ROBO2: variants seen among roughly 807,000 people sequenced by gnomAD.
The protein encoded by ROBO2 is roundabout guidance receptor 2.
ROBO2 carries 53 observed loss-of-function variants against 160.8 expected under a neutral mutation model. That is an observed-to-expected ratio of 0.33 (90% CI 0.26 to 0.41). The LOEUF (loss-of-function observed/expected upper bound fraction) is 0.41, where lower values mean the gene tolerates loss of function less well. ROBO2 is among the 10% of genes least tolerant of loss of function. The pLI is 1.00. For synonymous variants in ROBO2, 664 were observed against 611.7 expected, an observed-to-expected ratio of 1.09 and a Z score of -1.26; for missense variants, 1,577 against 1,722.4, an observed-to-expected ratio of 0.92 and a Z score of 1.49.
intron 1 of ROBO2, among the ~76,000 whole-genome samples, chr3:77,090,897 G>A (rs1230827990): frequency 2.6e-5 from 4 of 151,996 alleles, no homozygotes; most frequent in East Asian, 1.9e-4. Context: ...TATTTATATC[G>A]TTTTGGGGAA....
At chr3:76,769,048 T>A (rs995215601) in intron 2 of ROBO2, among the ~76,000 whole-genome samples, 2 of 151,360 alleles carry the variant, frequency 1.3e-5, no homozygotes, top group Non-Finnish European at 3.0e-5. Flanking sequence ...ACATAATAGA[T>A]TTTTTCCCCA....
chr3:76,724,990 G>T (rs923779205), intron 2 of ROBO2, among the ~76,000 whole-genome samples: 1 of 152,106 alleles, frequency 6.6e-6, no homozygotes, highest in Non-Finnish European at 1.5e-5. Context: ...AAAGTGGCAA[G>T]CAGCATGTTT....
chr3:77,477,441 C>G, exon 3 of ROBO2: 1 of 1,613,870 alleles, frequency 6.2e-7, no homozygotes, highest in Non-Finnish European at 8.5e-7. Flanking sequence ...CGACAAAACC[C>G]CACAGATGTT....
At chr3:77,288,868 T>G (rs1463912675) in intron 2 of ROBO2, among the ~76,000 whole-genome samples, 4 of 152,150 alleles carry the variant, frequency 2.6e-5, no homozygotes, top group Non-Finnish European at 5.9e-5. Context: ...GAATATAATT[T>G]ACCAGTACAA....
At chr3:76,273,756 G>C (rs577919789) in intron 2 of ROBO2, among the ~76,000 whole-genome samples, 1 of 152,252 alleles carries the variant, frequency 6.6e-6, no homozygotes, top group South Asian at 2.1e-4. Context: ...GTGATTCAAT[G>C]ATCTCCCACC....
At chr3:76,309,042 G>C (rs6798695) in intron 2 of ROBO2, among the ~76,000 whole-genome samples, 14,472 of 152,060 alleles carry the variant, frequency 0.095, 985 homozygotes, top group African/African-American at 0.2. Context: ...CTGCCAAAGG[G>C]CCAAGACATT....
At chr3:77,523,060 C>T (rs1235201817) in intron 6 of ROBO2, among the ~76,000 whole-genome samples, 158 bp downstream of exon 6, 1 of 151,238 alleles carries the variant, frequency 6.6e-6, no homozygotes, top group Non-Finnish European at 1.5e-5. Flanking sequence ...AATAAAATTA[C>T]TTTCAATATT....
chr3:76,551,293 A>C (rs781372385), intron 2 of ROBO2, among the ~76,000 whole-genome samples: 1 of 151,976 alleles, frequency 6.6e-6, no homozygotes, highest in East Asian at 1.9e-4. Flanking sequence ...GGAGCTACCT[A>C]CTAAAGGTCT....
At chr3:76,523,427 C>T (rs528663395) in intron 2 of ROBO2, among the ~76,000 whole-genome samples, 18 of 152,084 alleles carry the variant, frequency 1.2e-4, no homozygotes, top group African/African-American at 3.9e-4. Flanking sequence ...CTGGAAATAC[C>T]TTGCAAAGGT....
chr3:77,408,295 G>C (rs570750680), intron 2 of ROBO2, among the ~76,000 whole-genome samples: 62 of 151,948 alleles, frequency 4.1e-4, no homozygotes, highest in Non-Finnish European at 7.1e-4. Flanking sequence ...TGTATGTGTC[G>C]TTTATATTTT....
At position 77,579,413 on chromosome 3, in the gene ROBO2, C is replaced by T. The variant is rs2093854746; in HGVS notation, c.2329-534C>T. Reference sequence around the variant, plus strand: ...TTTAGTCAATACCTATAACTTAGGTCAATTCATCTTGTTAACTACTTCTGT... The same window carrying T: ...TTTAGTCAATACCTATAACTTAGGTTAATTCATCTTGTTAACTACTTCTGT... On this transcript the variant is annotated intron_variant, in intron 15 of 25. Coordinates refer to ENST00000461745, the Ensembl canonical transcript of ROBO2. 5.3e-5 allele frequency among the ~76,000 whole-genome samples: 8 copies of T among 152,078 alleles called. No homozygotes were observed. The South Asian group carries it at 1.7e-3, about 31-fold the overall frequency.
At chr3:77,469,615 C>T (rs1275044013) in intron 2 of ROBO2, among the ~76,000 whole-genome samples, 1 of 152,082 alleles carries the variant, frequency 6.6e-6, no homozygotes, top group Non-Finnish European at 1.5e-5. Flanking sequence ...TTTTGGCTGA[C>T]ATAAATCTGT....
intron 2 of ROBO2, among the ~76,000 whole-genome samples, chr3:76,891,288 A>G (rs543304187): frequency 6.6e-6 from 1 of 152,310 alleles, no homozygotes; most frequent in Non-Finnish European, 1.5e-5. Flanking sequence ...TATTAAGAAT[A>G]TGCCATTTTA....
At chr3:76,882,081 G>C (rs970863433) in intron 2 of ROBO2, among the ~76,000 whole-genome samples, 2 of 135,514 alleles carry the variant, frequency 1.5e-5, no homozygotes, top group Middle Eastern at 3.8e-3. Flanking sequence ...TGGGTCGTAG[G>C]TTGGTTGTGT....
intron 2 of ROBO2, among the ~76,000 whole-genome samples, chr3:75,964,468 C>T (rs944780539): frequency 3.7e-4 from 56 of 151,560 alleles, no homozygotes; most frequent in African/African-American, 1.3e-3. Context: ...ACAAAAAATC[C>T]GTAAGATAAA....
At chr3:75,924,721 C>T (rs1240847821) in intron 1 of ROBO2, among the ~76,000 whole-genome samples, 2 of 105,028 alleles carry the variant, frequency 1.9e-5, no homozygotes, top group Non-Finnish European at 3.5e-5. Flanking sequence ...TGTAGTCTTG[C>T]TCTGTGGCTC....
chr3:76,585,928 C>T (rs1402520175), intron 2 of ROBO2, among the ~76,000 whole-genome samples: 1 of 152,134 alleles, frequency 6.6e-6, no homozygotes, highest in Non-Finnish European at 1.5e-5. Context: ...TTAAGTTGTC[C>T]TCTGCTAACA....
chr3:76,534,580 G>A (rs975170168), intron 2 of ROBO2, among the ~76,000 whole-genome samples: 3 of 152,120 alleles, frequency 2.0e-5, no homozygotes, highest in Non-Finnish European at 4.4e-5. Context: ...GGATTAAGCT[G>A]AGGCTGGCAA....
intron 2 of ROBO2, among the ~76,000 whole-genome samples, chr3:76,326,423 TAC>T (rs1312329370): frequency 1.3e-5 from 2 of 152,118 alleles, no homozygotes; most frequent in African/African-American, 2.4e-5. Context: ...TGCATATATA[TAC>T]ACACATACTA....
Sources: allele counts gnomAD v4.1 joint callset (sites outside exome capture counted in the v4.1 genomes callset), GRCh38; gene constraint gnomAD v4.1.1; transcripts MANE v1.5; gene names NCBI Gene and HGNC (gene_info 2026-07-23, HGNC 2026-07-21).